GLDC: variants seen among roughly 807,000 people sequenced by gnomAD.
GLDC encodes glycine decarboxylase.
GLDC carries 104 observed loss-of-function variants against 121.3 expected under a neutral mutation model. The observed-to-expected ratio is 0.86, with a 90% CI of 0.73 to 1.01. GLDC has a LOEUF of 1.01. Among genes scored for constraint, GLDC ranks in the 50% least tolerant of loss-of-function variants. The probability of loss-of-function intolerance (pLI) is 0.00; values close to 1 mark genes in which losing one functional copy is unlikely to be tolerated. For synonymous variants in GLDC, 546 were observed against 480.6 expected (o/e 1.14, Z -1.78); for missense variants, 1,429 against 1,306.6 (o/e 1.09, Z -1.44).
At chr9:6,594,447 G>C (rs1249083587) in intron 9 of GLDC, among the ~76,000 whole-genome samples, 1 of 152,004 alleles carries the variant, frequency 6.6e-6, no homozygotes, top group East Asian at 1.9e-4. Flanking sequence ...TGTAATCCCA[G>C]CACTTTGAGA....
chr9:6,563,842 A>T (rs1817803375), intron 16 of GLDC, among the ~76,000 whole-genome samples: 1 of 152,074 alleles, frequency 6.6e-6, no homozygotes, highest in Admixed American at 6.6e-5. Context: ...ATCTTTAGAC[A>T]TGAATTCTAG....
chr9:6,622,766 T>C (rs992120939), intron 2 of GLDC: 7 of 220,700 alleles, frequency 3.2e-5, no homozygotes, highest in South Asian at 5.0e-5. Context: ...GGAGCGTCTC[T>C]GCCCGGCCGC....
At chr9:6,568,503 C>T (rs1226178755) in intron 15 of GLDC, among the ~76,000 whole-genome samples, 1 of 152,072 alleles carries the variant, frequency 6.6e-6, no homozygotes, top group East Asian at 1.9e-4. Flanking sequence ...GAACGGGGAG[C>T]CTCAGAAACA....
chr9:6,545,873 T>C (rs1817377057), intron 21 of GLDC, among the ~76,000 whole-genome samples: 1 of 152,166 alleles, frequency 6.6e-6, no homozygotes, highest in Non-Finnish European at 1.5e-5. Flanking sequence ...ACTCCTGAGT[T>C]CAAGTGATCT....
intron 16 of GLDC, among the ~76,000 whole-genome samples, chr9:6,561,559 G>C (rs912042538): frequency 6.6e-6 from 1 of 152,168 alleles, no homozygotes; most frequent in African/African-American, 2.4e-5. Context: ...TGAGGCATGA[G>C]AATCACTTGA....
At chr9:6,577,586 T>G (rs1818091584) in intron 15 of GLDC, among the ~76,000 whole-genome samples, 1 of 152,194 alleles carries the variant, frequency 6.6e-6, no homozygotes, top group Non-Finnish European at 1.5e-5. Flanking sequence ...CTTTAAAAAT[T>G]TTAAATAATC....
intron 3 of GLDC, among the ~76,000 whole-genome samples, chr9:6,610,752 A>G (rs1386267195): frequency 6.6e-6 from 1 of 152,156 alleles, no homozygotes; most frequent in East Asian, 1.9e-4. Flanking sequence ...AGCACATGCC[A>G]TCACGCTCAG....
At chr9:6,643,428 C>T (rs1819668803) in intron 2 of GLDC, among the ~76,000 whole-genome samples, 1 of 150,288 alleles carries the variant, frequency 6.7e-6, no homozygotes, top group Admixed American at 6.8e-5. Flanking sequence ...CACACTAGAT[C>T]CTTTCTATCA....
At chr9:6,625,680 T>C (rs972947435) in intron 2 of GLDC, among the ~76,000 whole-genome samples, 4 of 152,146 alleles carry the variant, frequency 2.6e-5, no homozygotes, top group Admixed American at 6.5e-5. Context: ...AAATGTGTTG[T>C]TTTGATTTTG....
chr9:6,626,307 C>T (rs1475618928), intron 2 of GLDC, among the ~76,000 whole-genome samples: 1 of 152,178 alleles, frequency 6.6e-6, no homozygotes, highest in Non-Finnish European at 1.5e-5. Flanking sequence ...GGTGGGGCAC[C>T]ACCCCAGTCC....
chr9:6,635,302 AAGG>A (rs983895517), intron 2 of GLDC, among the ~76,000 whole-genome samples: 1 of 152,200 alleles, frequency 6.6e-6, no homozygotes, highest in Non-Finnish European at 1.5e-5. Context: ...GAAGCTGTAG[AAGG>A]AGATTTGGCA....
chr9:6,560,733 C>T (rs1198401918), intron 16 of GLDC, among the ~76,000 whole-genome samples: 1 of 152,152 alleles, frequency 6.6e-6, no homozygotes, highest in Non-Finnish European at 1.5e-5. Context: ...CGTCAACCAC[C>T]CTGTGGTACA....
chr9:6,632,921 C>T (rs1476656019), intron 2 of GLDC, among the ~76,000 whole-genome samples: 1 of 152,212 alleles, frequency 6.6e-6, no homozygotes, highest in Admixed American at 6.5e-5. Context: ...TCAATCTCAG[C>T]AGACCCTCCC....
chr9:6,617,857 G>A (rs776540615), intron 3 of GLDC, among the ~76,000 whole-genome samples: 7 of 152,200 alleles, frequency 4.6e-5, no homozygotes, highest in Non-Finnish European at 1.0e-4. Context: ...CATGTACTTG[G>A]GTATTTCAAA....
intron 16 of GLDC, among the ~76,000 whole-genome samples, chr9:6,561,182 T>G (rs1007259364): frequency 6.6e-6 from 1 of 152,194 alleles, no homozygotes; most frequent in Non-Finnish European, 1.5e-5. Flanking sequence ...AAATTTATCA[T>G]AGCAGCCATA....
intron 15 of GLDC, among the ~76,000 whole-genome samples, chr9:6,574,429 T>C (rs1818023494): frequency 6.8e-6 from 1 of 147,938 alleles, no homozygotes; most frequent in Admixed American, 6.8e-5. Flanking sequence ...ATTATGCCAC[T>C]GCACTCCAGC....
At chr9:6,625,056 A>G (rs546167689) in intron 2 of GLDC, among the ~76,000 whole-genome samples, 1 of 152,082 alleles carries the variant, frequency 6.6e-6, no homozygotes. Flanking sequence ...ACACATCATT[A>G]AGATTCTACT....
rs780312047 is a variant in GLDC at position 6,589,164 on chromosome 9, A to G, written c.1580+31T>C. 31 of 1,345,732 alleles carry G rather than the reference A, an allele frequency of 2.3e-5. No individual in the cohort carries two copies. In the East Asian group the frequency reaches 6.9e-4, roughly 30 times the overall value. The allele number at this position is 1,345,732 out of a possible 1,614,324, so 83.4% of individuals were successfully genotyped here. A position where few individuals can be genotyped will look rare whatever the true frequency, so the allele number is the denominator to read the frequency against. On this transcript the variant is annotated intron_variant, in intron 12 of 24. Coordinates refer to ENST00000321612, the MANE Select transcript of GLDC (RefSeq NM_000170.3). ...ACTCCCTAGCTGATTACCAAAGCACAAAACGCAGAAGTCACACAAGACACA... is the reference window on the plus strand; with the variant it reads ...ACTCCCTAGCTGATTACCAAAGCACGAAACGCAGAAGTCACACAAGACACA...
chr9:6,627,385 C>A (rs1488696460), intron 2 of GLDC, among the ~76,000 whole-genome samples: 2 of 149,880 alleles, frequency 1.3e-5, no homozygotes, highest in Admixed American at 6.6e-5. Context: ...AACTGTCAAA[C>A]ATGAGACAAA....
Sources: gnomAD v4.1 joint callset for allele counts (sites outside exome capture counted in the v4.1 genomes callset) on GRCh38, gnomAD v4.1.1 for gene constraint, MANE v1.5 for transcripts, NCBI Gene and HGNC (gene_info 2026-07-23, HGNC 2026-07-21) for gene names.